ZFAND3: variants seen among roughly 807,000 people sequenced by gnomAD.
ZFAND3 encodes zinc finger AN1-type containing 3, also known as AN1-type zinc finger protein 3.
Under a neutral mutation model 29.6 loss-of-function variants are expected in ZFAND3, and 10 were observed. The ratio of observed to expected loss-of-function variants is 0.34; its 90% CI spans 0.21 to 0.57. The LOEUF (loss-of-function observed/expected upper bound fraction) is 0.57, where lower values mean the gene tolerates loss of function less well. Among genes scored for constraint, ZFAND3 ranks in the 20% least tolerant of loss-of-function variants. The probability of loss-of-function intolerance (pLI) is 0.86; values close to 1 mark genes in which losing one functional copy is unlikely to be tolerated. For synonymous variants in ZFAND3, 128 were observed against 112.6 expected (o/e 1.14, Z -0.87); for missense variants, 230 against 304.5 (o/e 0.76, Z 1.82).
chr6:38,121,677 C>T lies in ZFAND3; in HGVS notation c.529+4938C>T, dbSNP rs573785600. Among the ~76,000 whole-genome samples, 105 of 152,272 alleles carry T rather than the reference C, an allele frequency of 6.9e-4. 1 individual carries two copies. Among genetic ancestry groups the T allele is most frequent in the Non-Finnish European group, 1.1e-3 (76 of 68,026 alleles). ...TTTCTTCATAATTAGATTCAGGCTA[C>T]GAATTCTCACCCAGACTACTACATA... On this transcript the variant is annotated intron_variant, in intron 5 of 5. Transcript: ENST00000287218.
chr6:38,020,202 A>G (rs950109973), intron 2 of ZFAND3, among the ~76,000 whole-genome samples: 1 of 152,244 alleles, frequency 6.6e-6, no homozygotes, highest in East Asian at 1.9e-4. Context: ...GAGAATAATT[A>G]TACCTGCCTC....
At chr6:38,116,893 TC>T (rs767050449) in intron 5 of ZFAND3, among the ~76,000 whole-genome samples, 154 bp downstream of exon 5, 3 of 152,182 alleles carry the variant, frequency 2.0e-5, no homozygotes, top group Non-Finnish European at 2.9e-5. Flanking sequence ...GCTTGAGAAA[TC>T]AGGAGCATAG....
rs1766266581 is a variant in ZFAND3 at position 38,153,026 on chromosome 6, G to A, written c.*637G>A. ...TATGAAAAAACTCATCACACAAGAAGAGAAACAGTAACCTCACTTTGAAAA... is the reference window on the plus strand; with the variant it reads ...TATGAAAAAACTCATCACACAAGAAAAGAAACAGTAACCTCACTTTGAAAA... On this transcript the variant is annotated 3_prime_UTR_variant, in exon 6 of 6. Transcript: ENST00000287218. 1.0e-6 allele frequency: 1 copy of A among 985,734 alleles called. No homozygotes were observed. The highest frequency in any genetic ancestry group is 1.7e-5 in the African/African-American group (1 of 57,240). 61.1% of individuals were successfully genotyped at this position (985,734 alleles called of 1,614,324 possible). A position where few individuals can be genotyped will look rare whatever the true frequency, so the allele number is the denominator to read the frequency against.
chr6:37,872,718 C>T (rs1302317900), intron 1 of ZFAND3, among the ~76,000 whole-genome samples: 1 of 152,172 alleles, frequency 6.6e-6, no homozygotes, highest in Non-Finnish European at 1.5e-5. Flanking sequence ...TGTTCATTCT[C>T]ATTGCTGGGA....
intron 4 of ZFAND3, among the ~76,000 whole-genome samples, chr6:38,110,500 C>T (rs942672562): frequency 2.0e-5 from 3 of 151,858 alleles, no homozygotes; most frequent in Admixed American, 6.6e-5. Context: ...TGGTATTTTT[C>T]GTGGACAAAG....
chr6:37,902,025 C>T (rs1765327181), intron 1 of ZFAND3, among the ~76,000 whole-genome samples: 1 of 152,040 alleles, frequency 6.6e-6, no homozygotes, highest in African/African-American at 2.4e-5. Context: ...TGTTGAGTGT[C>T]CTCTGGTAAT....
chr6:37,932,137 C>T (rs1761608423), intron 2 of ZFAND3, among the ~76,000 whole-genome samples: 1 of 151,962 alleles, frequency 6.6e-6, no homozygotes, highest in Admixed American at 6.6e-5. Context: ...GGTGTGGTGG[C>T]CCGTGCCTGT....
chr6:37,969,180 A>G (rs780166481), intron 2 of ZFAND3, among the ~76,000 whole-genome samples: 7 of 152,332 alleles, frequency 4.6e-5, no homozygotes, highest in Non-Finnish European at 8.8e-5. Context: ...TTAAAATTTT[A>G]TGGTATCACT....
At chr6:37,877,894 T>A (rs1764822832) in intron 1 of ZFAND3, among the ~76,000 whole-genome samples, 1 of 152,030 alleles carries the variant, frequency 6.6e-6, no homozygotes, top group South Asian at 2.1e-4. Context: ...CGCTGGAAGG[T>A]TTTAAGCAGG....
rs551485562 is a variant in ZFAND3 at position 37,981,449 on chromosome 6, A to G, written c.112+51450A>G. ...CACCCATATTGAAGCCAGGATCATCAGCTTCATGTCTGTGACCACTGTAGT... is the reference window on the plus strand; with the variant it reads ...CACCCATATTGAAGCCAGGATCATCGGCTTCATGTCTGTGACCACTGTAGT... On this transcript the variant is annotated intron_variant, in intron 2 of 5. Transcript: ENST00000287218. 3.1e-3 allele frequency among the ~76,000 whole-genome samples: 470 copies of G among 152,276 alleles called. 3 individuals are homozygous for G. The highest frequency in any genetic ancestry group is 0.011 in the African/African-American group (447 of 41,542).
At chr6:37,955,486 T>C (rs1762072408) in intron 2 of ZFAND3, among the ~76,000 whole-genome samples, 1 of 152,192 alleles carries the variant, frequency 6.6e-6, no homozygotes, top group African/African-American at 2.4e-5. Context: ...TCAGTAGTAT[T>C]ATATTTGAGC....
intron 1 of ZFAND3, among the ~76,000 whole-genome samples, chr6:37,925,834 C>G (rs565219222): frequency 3.7e-4 from 56 of 152,190 alleles, no homozygotes; most frequent in African/African-American, 1.3e-3. Context: ...ATTTGAAATA[C>G]TAAGTTTGAG....
At chr6:37,991,477 C>T (rs963401875) in intron 2 of ZFAND3, among the ~76,000 whole-genome samples, 2 of 151,898 alleles carry the variant, frequency 1.3e-5, no homozygotes, top group Non-Finnish European at 2.9e-5. Flanking sequence ...CTCATCCTCC[C>T]GAGTAGCTGG....
At position 38,131,798 on chromosome 6, in the gene ZFAND3, TG is replaced by T. The variant is rs1435057130; in HGVS notation, c.529+15061del. Among the ~76,000 whole-genome samples the T allele has an allele frequency of 2.0e-5, 3 of 152,198 alleles. No homozygotes were observed. The East Asian group carries it at 5.8e-4, about 29-fold the overall frequency. ...GTGACTAATAATGTACAAGAAAAAATGGAAAGTCCAAGAAATGTGGTGTCCT... is the reference window on the plus strand; with the variant it reads ...GTGACTAATAATGTACAAGAAAAAATGAAAGTCCAAGAAATGTGGTGTCCT... On this transcript the variant is annotated intron_variant, in intron 5 of 5. Transcript: ENST00000287218.
At chr6:38,148,809 C>T (rs952501839) in intron 5 of ZFAND3, among the ~76,000 whole-genome samples, 8 of 152,278 alleles carry the variant, frequency 5.3e-5, no homozygotes, top group South Asian at 2.1e-4. Flanking sequence ...TGGCTGCTGT[C>T]GGTAGATAAT....
intron 1 of ZFAND3, among the ~76,000 whole-genome samples, chr6:37,890,768 A>G (rs1765081030): frequency 6.6e-6 from 1 of 152,214 alleles, no homozygotes; most frequent in Admixed American, 6.5e-5. Context: ...AGAGTTCTTG[A>G]TAATCTGAGA....
At position 37,867,068 on chromosome 6, in the gene ZFAND3, A is replaced by G. The variant is rs538326354; in HGVS notation, c.71+47052A>G. On this transcript the variant is annotated intron_variant, in intron 1 of 5. Transcript: ENST00000287218. ...GGGACCCAAAAGGATACAAAAGAGA[A>G]TGCATAGTAATGATTGGCCTATAGG... Among the ~76,000 whole-genome samples, 7 of 152,358 alleles carry G rather than the reference A, an allele frequency of 4.6e-5. No individual in the cohort carries two copies. The South Asian group carries it at 1.5e-3, about 32-fold the overall frequency.
chr6:38,152,356 C>T lies in ZFAND3; in HGVS notation c.651C>T (p.Arg217=). 6.2e-7 allele frequency: 1 copy of T among 1,606,302 alleles called. No individual in the cohort carries two copies. Among genetic ancestry groups the T allele is most frequent in the Non-Finnish European group, 8.5e-7 (1 of 1,176,626 alleles). ...TGAAGCTGGACCGGAAAGTGGGGCG[C>T]TCCTGCCAGCGCATCGGGGAGGGGT... ...KMVKLDRKVG[R]SCQRIGEGCS The change falls in exon 6 of 6, where the codon CGC becomes CGT. Residue 217 remains arginine (R), a synonymous_variant. Coordinates refer to ENST00000287218, the MANE Select transcript of ZFAND3 (RefSeq NM_021943.3).
chr6:37,840,219 C>T lies in ZFAND3; in HGVS notation c.71+20203C>T, dbSNP rs573890787. 4.6e-5 allele frequency among the ~76,000 whole-genome samples: 7 copies of T among 152,078 alleles called. No individual in the cohort carries two copies. The South Asian group carries it at 1.2e-3, about 27-fold the overall frequency. ...TTCAAGCGATTCTCCTGCCTCAGCCCCCAAAATAGCTGGGCCTACAGGGAC... is the reference window on the plus strand; with the variant it reads ...TTCAAGCGATTCTCCTGCCTCAGCCTCCAAAATAGCTGGGCCTACAGGGAC... On this transcript the variant is annotated intron_variant, in intron 1 of 5. Transcript: ENST00000287218.
Sources: gnomAD v4.1 joint callset for allele counts (sites outside exome capture counted in the v4.1 genomes callset) on GRCh38, gnomAD v4.1.1 for gene constraint, MANE v1.5 for transcripts, NCBI Gene and HGNC (gene_info 2026-07-23, HGNC 2026-07-21) for gene names.